The following PGAM1 variants were observed in gnomAD, a reference collection of about 807,000 sequenced individuals.
PGAM1 encodes phosphoglycerate mutase 1.
In PGAM1, 21 loss-of-function variants were observed where a neutral mutation model predicts 23.5. The ratio of observed to expected loss-of-function variants is 0.89; its 90% CI spans 0.63 to 1.29. The LOEUF is 1.29. Among genes scored for constraint, PGAM1 ranks in the 50% most tolerant of loss-of-function variants. The pLI, the probability that PGAM1 is intolerant of heterozygous loss-of-function variation, is 0.00. For missense variants in PGAM1, 232 were observed against 336.3 expected, an observed-to-expected ratio of 0.69 and a Z score of 2.42; for synonymous variants, 109 against 128.6, an observed-to-expected ratio of 0.85 and a Z score of 1.03.
chr10:97,429,165 G>A (rs1416667803), intron 1 of PGAM1, among the ~76,000 whole-genome samples: 4 of 145,600 alleles, frequency 2.7e-5, no homozygotes, highest in Non-Finnish European at 5.9e-5. Flanking sequence ...GTGCAGTGGC[G>A]CGATCTCAGC....
chr10:97,427,043 A>T (rs558800289), intron 1 of PGAM1: 448 of 153,452 alleles, frequency 2.9e-3, no homozygotes, highest in Middle Eastern at 0.024. Context: ...CAGAAAAAAA[A>T]AATAATAATA....
chr10:97,430,457 C>G lies in PGAM1; in HGVS notation c.218C>G (p.Ala73Gly), dbSNP rs765642443. 1.3e-5 allele frequency: 21 copies of G among 1,606,612 alleles called. No individual in the cohort carries two copies. The highest frequency in any genetic ancestry group is 1.8e-5 in the Non-Finnish European group (21 of 1,179,004). ...AIRTLWTVLD[A>G]IDQMWLPVVR... ...CGGACCCTCTGGACAGTGCTAGATG[C>G]CATTGATCAGATGTGGCTGCCAGTG... is the stretch of plus-strand genomic sequence containing the variant. Residue 73 changes from alanine to glycine, a missense_variant, in exon 2 of 4, where the codon GCC becomes GGC. Around this residue, in one of 3 missense-constraint regions of PGAM1, gnomAD observed 191 missense variants for 241.7 expected, o/e 0.79. Coordinates refer to ENST00000334828, the MANE Select transcript of PGAM1 (RefSeq NM_002629.4).
chr10:97,428,925 A>C (rs1217327125), intron 1 of PGAM1, among the ~76,000 whole-genome samples: 2 of 152,068 alleles, frequency 1.3e-5, no homozygotes, highest in East Asian at 3.9e-4. Flanking sequence ...TGCTAACCCC[A>C]ATATGAAGCA....
rs1845492367 is a variant in PGAM1 at position 97,433,313 on chromosome 10, G to GT, written c.*790dup. ...AAATGCCTCTTGGTCCTGTCCAAGT[G>GT]TATCTTTCACTGATTTCTGAATCAT... On this transcript the variant is annotated 3_prime_UTR_variant, in exon 4 of 4. Coordinates refer to ENST00000334828, the MANE Select transcript of PGAM1 (RefSeq NM_002629.4). The GT allele has an allele frequency of 6.6e-6, 1 of 151,658 alleles. No homozygotes were observed. Among genetic ancestry groups the GT allele is most frequent in the South Asian group, 2.1e-4 (1 of 4,766 alleles). 9.4% of individuals were successfully genotyped at this position (151,658 alleles called of 1,614,324 possible).
Position 97,430,613 on chromosome 10 carries a change from C to G in PGAM1, c.374C>G (p.Pro125Arg). The change falls in exon 2 of 4, where the codon CCG becomes CGG. Residue 125 changes from proline (P) to arginine (R), a missense_variant. By Grantham distance (103) the Pro-to-Arg change is moderately radical. Transcript: ENST00000334828. ...CGCTCCTATGATGTCCCACCACCTC[C>G]GATGGAGCCCGACCATCCTTTCTAC... is the stretch of plus-strand genomic sequence containing the variant. ...WRRSYDVPPP[P>R]MEPDHPFYSN... 1.2e-6 allele frequency: 2 copies of G among 1,602,548 alleles called. No homozygotes were observed. Among genetic ancestry groups the G allele is most frequent in the Non-Finnish European group, 8.5e-7 (1 of 1,179,962 alleles).
Position 97,426,193 on chromosome 10 carries a change from G to C in PGAM1, c.-115G>C. 1 of 1,500,540 alleles carries C rather than the reference G, an allele frequency of 6.7e-7. No homozygotes were observed. The highest frequency in any genetic ancestry group is 9.2e-7 in the Non-Finnish European group (1 of 1,090,676). The allele number at this position is 1,500,540 out of a possible 1,614,324, so 93.0% of individuals were successfully genotyped here. On this transcript the variant is annotated 5_prime_UTR_variant, in exon 1 of 4. Coordinates refer to ENST00000334828, the MANE Select transcript of PGAM1 (RefSeq NM_002629.4). ...AGAGCGAGTGGAAAGATTTGGGCGAGAACTTGCGCGGGAGCCGGACTGAGC... is the reference window on the plus strand; with the variant it reads ...AGAGCGAGTGGAAAGATTTGGGCGACAACTTGCGCGGGAGCCGGACTGAGC...
chr10:97,432,089 C>T (rs1308992016), intron 3 of PGAM1, among the ~76,000 whole-genome samples: 1 of 152,040 alleles, frequency 6.6e-6, no homozygotes, highest in African/African-American at 2.4e-5. Flanking sequence ...GCTTCTAGAT[C>T]CCACTTTGGT....
intron 1 of PGAM1, among the ~76,000 whole-genome samples, chr10:97,428,233 A>AT (rs1393115170): frequency 1.3e-5 from 2 of 152,234 alleles, no homozygotes; most frequent in African/African-American, 4.8e-5. Context: ...ATTTAACAGT[A>AT]TAGAAAATTA....
chr10:97,427,194 C>G, intron 1 of PGAM1: 1 of 836,642 alleles, frequency 1.2e-6, no homozygotes, highest in Non-Finnish European at 1.4e-6. Context: ...TAACCAAGGC[C>G]TCTCAAGAGG....
At position 97,430,509 on chromosome 10, in the gene PGAM1, G is replaced by A. The variant is rs1172354294; in HGVS notation, c.270G>A (p.Arg90=). Residue 90 remains arginine (R), a synonymous_variant, in exon 2 of 4, where the codon CGG becomes CGA. Coordinates refer to ENST00000334828, the MANE Select transcript of PGAM1 (RefSeq NM_002629.4). ...PVVRTWRLNE[R]HYGGLTGLNK... is the part of the protein sequence containing the mutation. The stretch of plus-strand genomic sequence containing the variant: ...TGAGGACTTGGCGCCTCAATGAGCG[G>A]CACTATGGGGGTCTAACCGGTCTCA... 27 of 1,601,224 alleles carry A rather than the reference G, an allele frequency of 1.7e-5. No individual in the cohort carries two copies. The highest frequency in any genetic ancestry group is 2.0e-4 in the Middle Eastern group (1 of 5,116).
chr10:97,428,566 T>A (rs1315604958), intron 1 of PGAM1, among the ~76,000 whole-genome samples: 1 of 152,214 alleles, frequency 6.6e-6, no homozygotes, highest in Non-Finnish European at 1.5e-5. Context: ...TGAGGACCTA[T>A]TTATGTGTCC....
Position 97,430,516 on chromosome 10 carries a change from G to T in PGAM1, c.277G>T (p.Gly93Trp). Reference protein sequence around the residue: ...RTWRLNERHYGGLTGLNKAET... With the variant: ...RTWRLNERHYWGLTGLNKAET... Reference sequence around the variant, plus strand: ...TTGGCGCCTCAATGAGCGGCACTATGGGGGTCTAACCGGTCTCAATAAAGC... The same window carrying T: ...TTGGCGCCTCAATGAGCGGCACTATTGGGGTCTAACCGGTCTCAATAAAGC... The change falls in exon 2 of 4, where the codon GGG (glycine) becomes TGG (tryptophan). Residue 93 changes from glycine (G) to tryptophan (W), a missense_variant. Around this residue, in one of 3 missense-constraint regions of PGAM1, gnomAD observed 191 missense variants for 241.7 expected, o/e 0.79. Transcript: ENST00000334828. 1 of 1,601,270 alleles carries T rather than the reference G, an allele frequency of 6.2e-7. No individual in the cohort carries two copies. Among genetic ancestry groups the T allele is most frequent in the Non-Finnish European group, 8.5e-7 (1 of 1,179,752 alleles).
intron 2 of PGAM1, 150 bp downstream of exon 2, chr10:97,430,803 T>C (rs564530020): frequency 3.4e-6 from 5 of 1,464,864 alleles, no homozygotes; most frequent in African/African-American, 1.4e-5. Flanking sequence ...CTAGAAGATA[T>C]GGTTGATAGT....
intron 1 of PGAM1, among the ~76,000 whole-genome samples, chr10:97,429,353 C>T (rs942606692): frequency 6.6e-5 from 10 of 152,076 alleles, no homozygotes; most frequent in African/African-American, 2.2e-4. Context: ...ATCTGCCCAC[C>T]TCGGCCTCCC....
Position 97,430,925 on chromosome 10 carries a change from AGTG to A in PGAM1, c.415-26_415-24del. On this transcript the variant is annotated intron_variant, in intron 2 of 3. Transcript: ENST00000334828. ...CTTTTAACAGATGTAACTCTTAATA[AGTG>A]GTGAACTTGGATTCTTTATTGCTTA... 1.9e-6 allele frequency: 3 copies of A among 1,613,452 alleles called. 1 individual carries two copies. Among genetic ancestry groups the A allele is most frequent in the Non-Finnish European group, 1.7e-6 (2 of 1,179,386 alleles).
intron 1 of PGAM1, among the ~76,000 whole-genome samples, chr10:97,430,043 C>CAAAAA (rs71814636): frequency 4.5e-4 from 31 of 68,324 alleles, no homozygotes; most frequent in East Asian, 8.5e-4. Context: ...GACTCCGTCT[C>CAAAAA]AAAAAAAAAA....
At position 97,431,016 on chromosome 10, in the gene PGAM1, C is replaced by T. The variant is rs1210073205; in HGVS notation, c.476C>T (p.Thr159Ile). 16 of 1,613,848 alleles carry T rather than the reference C, an allele frequency of 9.9e-6. No homozygotes were observed. Among genetic ancestry groups the T allele is most frequent in the African/African-American group, 1.3e-5 (1 of 74,922 alleles). The change falls in exon 3 of 4, where the codon ACT becomes ATT. Residue 159 changes from threonine to isoleucine, a missense_variant. Physicochemically the swap from Thr to Ile is moderately conservative, Grantham distance 89. This residue lies in a region of PGAM1 where 191 missense variants were observed against 241.7 expected (regional missense o/e 0.79). Coordinates refer to ENST00000334828, the MANE Select transcript of PGAM1 (RefSeq NM_002629.4). ...CCCTCCTGTGAGAGTCTGAAGGATA[C>T]TATTGCCAGAGCTCTGCCCTTCTGG... ...QLPSCESLKD[T>I]IARALPFWNE...
At position 97,431,063 on chromosome 10, in the gene PGAM1, A is replaced by G. The variant is rs769768375; in HGVS notation, c.523A>G (p.Ile175Val). 22 of 1,614,070 alleles carry G rather than the reference A, an allele frequency of 1.4e-5. No individual in the cohort carries two copies. The highest frequency in any genetic ancestry group is 1.9e-5 in the Non-Finnish European group (22 of 1,179,958). Residue 175 changes from isoleucine to valine, a missense_variant, in exon 3 of 4, where the codon ATC (isoleucine) becomes GTC (valine). This residue lies in a region of PGAM1 where 191 missense variants were observed against 241.7 expected (regional missense o/e 0.79). Transcript: ENST00000334828. The stretch of plus-strand genomic sequence containing the variant: ...CTGGAATGAAGAAATAGTTCCCCAG[A>G]TCAAGGAGGGGAAACGTGTACTGAT... ...PFWNEEIVPQ[I>V]KEGKRVLIAA...
At chr10:97,429,092 CTTTTT>C (rs888329236) in intron 1 of PGAM1, among the ~76,000 whole-genome samples, 15 of 84,748 alleles carry the variant, frequency 1.8e-4, no homozygotes, top group Admixed American at 4.6e-4. Flanking sequence ...AGACTGATTC[CTTTTT>C]TTTTTTTTTT....
Sources: allele counts gnomAD v4.1 joint callset (sites outside exome capture counted in the v4.1 genomes callset), GRCh38; gene constraint gnomAD v4.1.1; regional missense constraint gnomAD v4.1.1; transcripts MANE v1.5; gene names NCBI Gene and HGNC (gene_info 2026-07-23, HGNC 2026-07-21).